SANBR: variants seen among roughly 807,000 people sequenced by gnomAD.
SANBR encodes SANT and BTB domain regulator of CSR, also known as SANT and BTB domain regulator of class switch recombination.
SANBR carries 77 observed loss-of-function variants against 101.8 expected under a neutral mutation model. That is an observed-to-expected ratio of 0.76 (90% CI 0.63 to 0.91). SANBR has a LOEUF of 0.91. Ranked by LOEUF, SANBR falls within the 40% of genes least tolerant of loss-of-function variation. The pLI, the probability that SANBR is intolerant of heterozygous loss-of-function variation, is 0.00. For synonymous variants in SANBR, 279 were observed against 274.7 expected (o/e 1.02, Z -0.15); for missense variants, 875 against 853.0 (o/e 1.03, Z -0.32).
intron 8 of SANBR, among the ~76,000 whole-genome samples, chr2:61,086,189 C>CT (rs1266621542): frequency 1.3e-5 from 2 of 151,646 alleles, no homozygotes; most frequent in Non-Finnish European, 2.9e-5. Flanking sequence ...GAGACAGGGT[C>CT]TTCTTGCTCA....
chr2:61,134,066 C>G (rs968958298), intron 20 of SANBR: 2 of 1,575,926 alleles, frequency 1.3e-6, no homozygotes, highest in Admixed American at 3.5e-5. Context: ...TTTGTTTAAT[C>G]TCTTCTTGTG....
chr2:61,079,349 T>A (rs1324993737), intron 6 of SANBR, among the ~76,000 whole-genome samples: 1 of 152,202 alleles, frequency 6.6e-6, no homozygotes, highest in African/African-American at 2.4e-5. Flanking sequence ...GGCATATACT[T>A]GTATGATCAC....
chr2:61,075,989 T>G (rs1455920232), intron 5 of SANBR, among the ~76,000 whole-genome samples: 1 of 149,116 alleles, frequency 6.7e-6, no homozygotes, highest in Non-Finnish European at 1.5e-5. Flanking sequence ...TAAACTTTAT[T>G]TATTTATTTA....
At chr2:61,091,807 A>G (rs1682777004) in intron 10 of SANBR, among the ~76,000 whole-genome samples, 1 of 152,148 alleles carries the variant, frequency 6.6e-6, no homozygotes, top group Non-Finnish European at 1.5e-5. Context: ...CTTGAGTTGC[A>G]TATGACCATA....
At chr2:61,071,560 A>G in intron 3 of SANBR, 46 bp from the exon 4 acceptor site, 1 of 1,397,890 alleles carries the variant, frequency 7.2e-7, no homozygotes, top group South Asian at 1.5e-5. Context: ...AAAAAAAAAA[A>G]AAAAAATTCC....
At chr2:61,066,506 T>A (rs925543833) in intron 1 of SANBR, 11 of 152,526 alleles carry the variant, frequency 7.2e-5, no homozygotes, top group African/African-American at 2.7e-4. Flanking sequence ...TGATTTTACT[T>A]TCTCCTCCAG....
chr2:61,110,393 A>C (rs1321598432), intron 16 of SANBR, among the ~76,000 whole-genome samples: 2 of 147,810 alleles, frequency 1.4e-5, no homozygotes, highest in Admixed American at 1.3e-4. Flanking sequence ...AAAATACAAA[A>C]ATTAGGCCGG....
Position 61,092,687 on chromosome 2 carries a change from A to G in SANBR, c.1212+100A>G, listed in dbSNP as rs984362588. 9.2e-6 allele frequency: 9 copies of G among 981,178 alleles called. No individual in the cohort carries two copies. The African/African-American group carries it at 1.2e-4, about 13-fold the overall frequency. 60.8% of individuals were successfully genotyped at this position (981,178 alleles called of 1,614,324 possible). ...TGATATGTTTAAATGTGTTTTGACA[A>G]TATCCAACATCTTTTTAAAGAAACT... On this transcript the variant is annotated intron_variant, in intron 11 of 21. Coordinates refer to ENST00000402291, the MANE Select transcript of SANBR (RefSeq NM_001129993.3).
At chr2:61,112,094 G>T (rs1243288213) in intron 16 of SANBR, among the ~76,000 whole-genome samples, 1 of 152,136 alleles carries the variant, frequency 6.6e-6, no homozygotes, top group Non-Finnish European at 1.5e-5. Context: ...CATATGGTAA[G>T]TGTATGTTTC....
intron 12 of SANBR, among the ~76,000 whole-genome samples, chr2:61,100,330 C>G (rs1417685249): frequency 6.6e-6 from 1 of 152,148 alleles, no homozygotes; most frequent in Non-Finnish European, 1.5e-5. Context: ...GTCTCGAACT[C>G]CTGACCTCAA....
chr2:61,083,058 G>A, intron 7 of SANBR, 96 bp from the exon 8 acceptor site: 4 of 1,001,476 alleles, frequency 4.0e-6, no homozygotes, highest in Non-Finnish European at 6.0e-6. Flanking sequence ...GCAATATATG[G>A]ATTAGACTTT....
At chr2:61,076,571 T>C (rs1309802377) in intron 5 of SANBR, among the ~76,000 whole-genome samples, 1 of 145,430 alleles carries the variant, frequency 6.9e-6, no homozygotes, top group African/African-American at 2.6e-5. Context: ...GAGCTTACAG[T>C]GAGCCGAGAT....
Position 61,081,502 on chromosome 2 carries a change from G to C in SANBR, c.721G>C (p.Asp241His). 2 of 1,569,362 alleles carry C rather than the reference G, an allele frequency of 1.3e-6. No individual in the cohort carries two copies. Among genetic ancestry groups the C allele is most frequent in the Non-Finnish European group, 1.7e-6 (2 of 1,162,118 alleles). Residue 241 changes from aspartate to histidine, a missense_variant, in exon 7 of 22, where the codon GAT becomes CAT. Asp to His is a moderately conservative substitution (Grantham distance 81). Coordinates refer to ENST00000402291, the MANE Select transcript of SANBR (RefSeq NM_001129993.3). The stretch of plus-strand genomic sequence containing the variant: ...TATTTCTTCGGAGTTTTTAAAAATG[G>C]ATTCACTAGTAAGTATTGACTTAAA... ...ILISSEFLKM[D>H]SLVEQCIQYC... is the part of the protein sequence containing the mutation.
intron 6 of SANBR, 37 bp downstream of exon 6, chr2:61,077,195 T>C (rs753365326): frequency 2.1e-6 from 3 of 1,451,122 alleles, no homozygotes; most frequent in South Asian, 1.2e-5. Flanking sequence ...GTAGTGAAAT[T>C]TGTGTGTCAC....
At chr2:61,113,832 A>G (rs1337278096) in intron 16 of SANBR, among the ~76,000 whole-genome samples, 1 of 152,208 alleles carries the variant, frequency 6.6e-6, no homozygotes, top group Non-Finnish European at 1.5e-5. Context: ...TGATGGGGAA[A>G]ACATCCAGTC....
intron 11 of SANBR, among the ~76,000 whole-genome samples, chr2:61,096,822 A>G (rs190680296): frequency 2.2e-4 from 34 of 152,294 alleles, no homozygotes. Context: ...GTTATGTCAT[A>G]ATTTTTATTA....
downstream of SANBR, among the ~76,000 whole-genome samples, chr2:61,128,957 G>C (rs1036735251): frequency 1.3e-5 from 2 of 152,020 alleles, no homozygotes; most frequent in Non-Finnish European, 2.9e-5. Flanking sequence ...GGGAGATCCT[G>C]TTCCAAAACG....
chr2:61,080,355 C>T (rs923831224), intron 6 of SANBR, among the ~76,000 whole-genome samples: 1 of 152,166 alleles, frequency 6.6e-6, no homozygotes, highest in African/African-American at 2.4e-5. Context: ...CCACTGGTTC[C>T]TAACTGGAAT....
chr2:61,081,971 G>A (rs1682159005), intron 7 of SANBR, among the ~76,000 whole-genome samples: 1 of 151,706 alleles, frequency 6.6e-6, no homozygotes. Flanking sequence ...TTCTATGTTA[G>A]CAAATGTGAA....
Sources: allele counts gnomAD v4.1 joint callset (sites outside exome capture counted in the v4.1 genomes callset), GRCh38; gene constraint gnomAD v4.1.1; transcripts MANE v1.5; gene names NCBI Gene and HGNC (gene_info 2026-07-23, HGNC 2026-07-21).